The following ADAMTS18 variants were observed in gnomAD, a reference collection of about 807,000 sequenced individuals.
The protein encoded by ADAMTS18 is A disintegrin and metalloproteinase with thrombospondin motifs 18.
Under a neutral mutation model 165.9 loss-of-function variants are expected in ADAMTS18, and 157 were observed. The observed-to-expected ratio is 0.95, with a 90% confidence interval of 0.83 to 1.08. The LOEUF is 1.08. Among genes scored for constraint, ADAMTS18 ranks in the 50% least tolerant of loss-of-function variants. ADAMTS18 has a pLI of 0.00. For missense variants in ADAMTS18, 2,040 were observed against 1,534.0 expected (o/e 1.33, Z -5.51); for synonymous variants, 782 against 578.2 (o/e 1.35, Z -5.06).
chr16:77,341,653 C>T, intron 11 of ADAMTS18, 51 bp downstream of exon 11: 1 of 1,441,604 alleles, frequency 6.9e-7, no homozygotes, highest in Non-Finnish European at 9.7e-7. Flanking sequence ...AGTTTGAATT[C>T]TATGCCTTAT....
intron 4 of ADAMTS18, among the ~76,000 whole-genome samples, chr16:77,365,179 A>AAACAAC (rs10680519): frequency 0.086 from 13,042 of 151,566 alleles, 753 homozygotes; most frequent in East Asian, 0.25. Flanking sequence ...ATTTCATCTC[A>AAACAAC]AACAACAAAA....
At chr16:77,337,606 G>A (rs1426628203) in intron 11 of ADAMTS18, among the ~76,000 whole-genome samples, 1 of 152,122 alleles carries the variant, frequency 6.6e-6, no homozygotes, top group Non-Finnish European at 1.5e-5. Flanking sequence ...CATCTTGGAG[G>A]CAAATTACTG....
chr16:77,283,721 A>G lies in ADAMTS18; in HGVS notation c.*235T>C. On this transcript the variant is annotated 3_prime_UTR_variant, in exon 23 of 23. Transcript: ENST00000282849. ...ACAGTGCAAATCAAAGATTTTTTTT[A>G]AAGTCAGATTTGTCATCGCTTCCCA... is the stretch of plus-strand genomic sequence containing the variant. The G allele has an allele frequency of 3.9e-6, 2 of 511,182 alleles. No individual in the cohort carries two copies. The highest frequency in any genetic ancestry group is 2.1e-5 in the South Asian group (1 of 46,924). The allele number at this position is 511,182 out of a possible 1,614,324, so 31.7% of individuals were successfully genotyped here.
At chr16:77,326,819 C>G (rs78616450) in intron 12 of ADAMTS18, among the ~76,000 whole-genome samples, 6 of 152,114 alleles carry the variant, frequency 3.9e-5, no homozygotes, top group African/African-American at 1.4e-4. Flanking sequence ...GTTTCATCAC[C>G]CAGGTAATAA....
intron 3 of ADAMTS18, among the ~76,000 whole-genome samples, chr16:77,416,748 T>C (rs1338950634): frequency 6.6e-6 from 1 of 152,090 alleles, no homozygotes; most frequent in African/African-American, 2.4e-5. Context: ...CATGAGCTGG[T>C]AGAGAAGAGG....
chr16:77,297,449 T>C, intron 17 of ADAMTS18, 34 bp from the exon 18 acceptor site: 1 of 1,590,092 alleles, frequency 6.3e-7, no homozygotes, highest in Non-Finnish European at 8.6e-7. Flanking sequence ...AAGTGAAAAT[T>C]ACAGATTATT....
At chr16:77,421,610 G>A (rs1373689074) in intron 3 of ADAMTS18, among the ~76,000 whole-genome samples, 1 of 152,206 alleles carries the variant, frequency 6.6e-6, no homozygotes, top group Non-Finnish European at 1.5e-5. Flanking sequence ...GATGAAATGA[G>A]TTCTCAGTAA....
intron 3 of ADAMTS18, among the ~76,000 whole-genome samples, chr16:77,381,941 C>T (rs1218995701): frequency 6.6e-6 from 1 of 152,186 alleles, no homozygotes; most frequent in Non-Finnish European, 1.5e-5. Context: ...CTCAATTGTT[C>T]TCTGGAATGT....
In ADAMTS18 at chr16:77,297,069, TG is replaced by T. The variant is rs1413614686; in HGVS notation, c.2801+219del. ...ATGACTCACTGGAGCCTGGAACTCCTGGGTTCTACTGATCTTCCCTCTTCAG... is the reference window on the plus strand; with the variant it reads ...ATGACTCACTGGAGCCTGGAACTCCTGGTTCTACTGATCTTCCCTCTTCAG... On this transcript the variant is annotated intron_variant, in intron 18 of 22. Coordinates refer to ENST00000282849, the MANE Select transcript of ADAMTS18 (RefSeq NM_199355.4). 2.0e-5 allele frequency among the ~76,000 whole-genome samples: 3 copies of T among 152,232 alleles called. No homozygotes were observed. In the East Asian group the frequency reaches 5.8e-4, roughly 29 times the overall value.
At chr16:77,337,207 G>C (rs115345457) in intron 11 of ADAMTS18, among the ~76,000 whole-genome samples, 2 of 152,132 alleles carry the variant, frequency 1.3e-5, no homozygotes, top group African/African-American at 4.8e-5. Flanking sequence ...TTTGGGGAAG[G>C]CTATCGGTCA....
intron 3 of ADAMTS18, among the ~76,000 whole-genome samples, chr16:77,415,172 A>G (rs564247586): frequency 6.6e-6 from 1 of 152,260 alleles, no homozygotes; most frequent in African/African-American, 2.4e-5. Context: ...GTGTGTAGGC[A>G]AATTGCCCAT....
intron 3 of ADAMTS18, among the ~76,000 whole-genome samples, chr16:77,426,214 A>C (rs2057670865): frequency 6.6e-6 from 1 of 152,158 alleles, no homozygotes; most frequent in African/African-American, 2.4e-5. Flanking sequence ...AACTTGTATG[A>C]CCATAAACCA....
At chr16:77,391,214 A>T (rs1353599325) in intron 3 of ADAMTS18, among the ~76,000 whole-genome samples, 1 of 152,168 alleles carries the variant, frequency 6.6e-6, no homozygotes, top group African/African-American at 2.4e-5. Context: ...TATAAGACTA[A>T]AAGACAGGCC....
At chr16:77,362,365 G>T (rs2056728455) in intron 6 of ADAMTS18, 101 bp from the exon 7 acceptor site, 1 of 1,346,012 alleles carries the variant, frequency 7.4e-7, no homozygotes, top group East Asian at 2.3e-5. Flanking sequence ...TATTTCTAGG[G>T]AAAAAGATCA....
chr16:77,296,029 T>TATAC (rs1567460177), intron 18 of ADAMTS18, among the ~76,000 whole-genome samples: 1 of 151,702 alleles, frequency 6.6e-6, no homozygotes, highest in African/African-American at 2.4e-5. Context: ...TATATATATA[T>TATAC]ACACACACAT....
At chr16:77,399,486 G>T (rs895598042) in intron 3 of ADAMTS18, among the ~76,000 whole-genome samples, 30 of 152,054 alleles carry the variant, frequency 2.0e-4, no homozygotes, top group Non-Finnish European at 4.1e-4. Flanking sequence ...TTATGTTGTT[G>T]TTTCCCTACC....
chr16:77,432,756 TC>T (rs2057753673), intron 2 of ADAMTS18, among the ~76,000 whole-genome samples: 1 of 138,880 alleles, frequency 7.2e-6, no homozygotes, highest in South Asian at 2.4e-4. Flanking sequence ...TCAACAACCT[TC>T]CCCCTCCTCC....
intron 12 of ADAMTS18, 81 bp downstream of exon 12, chr16:77,335,675 A>T (rs974434721): frequency 6.5e-7 from 1 of 1,537,366 alleles, no homozygotes; most frequent in East Asian, 2.2e-5. Context: ...AAATAAACTT[A>T]AAGTATGAAC....
In ADAMTS18 at chr16:77,319,928, G is replaced by T. The variant is rs747236559; in HGVS notation, c.2453C>A (p.Thr818Lys). Reference protein sequence around the residue: ...WPGEFPFAGTTFEYQRSFNRP... With the variant: ...WPGEFPFAGTKFEYQRSFNRP... ...GTTGAAAGAGCGCTGGTATTCAAAC[G>T]TGGTCCCAGCGAAGGGGAACTCCCC... The change falls in exon 16 of 23, where the codon ACG becomes AAG. Residue 818 changes from threonine to lysine, a missense_variant. Physicochemically the swap from Thr to Lys is moderately conservative, Grantham distance 78 (BLOSUM62 -1). Coordinates refer to ENST00000282849, the MANE Select transcript of ADAMTS18 (RefSeq NM_199355.4). The T allele has an allele frequency of 6.2e-6, 10 of 1,614,166 alleles. No individual in the cohort carries two copies. Among genetic ancestry groups the T allele is most frequent in the Admixed American group, 1.7e-5 (1 of 60,026 alleles).
Sources: gnomAD v4.1 joint callset for allele counts (sites outside exome capture counted in the v4.1 genomes callset) on GRCh38, gnomAD v4.1.1 for gene constraint, MANE v1.5 for transcripts, NCBI Gene and HGNC (gene_info 2026-07-23, HGNC 2026-07-21) for gene names.